Variants in DGCR2 observed in about 807,000 individuals in gnomAD.
DGCR2 encodes the protein integral membrane protein DGCR2/IDD.
A neutral mutation model predicts 51.6 loss-of-function variants in DGCR2; 24 were observed. The observed-to-expected ratio is 0.47, with a 90% CI of 0.34 to 0.65. The LOEUF (loss-of-function observed/expected upper bound fraction) is 0.65, where lower values mean the gene tolerates loss of function less well. DGCR2 is among the 30% of genes least tolerant of loss of function. The pLI, the probability that DGCR2 is intolerant of heterozygous loss-of-function variation, is 0.01. For synonymous variants in DGCR2, 340 were observed against 315.4 expected (o/e 1.08, Z -0.82); for missense variants, 765 against 772.1 (o/e 0.99, Z 0.11).
At chr22:19,076,784 G>A (rs1212256909) in intron 2 of DGCR2, among the ~76,000 whole-genome samples, 4 of 130,066 alleles carry the variant, frequency 3.1e-5, no homozygotes, top group Non-Finnish European at 6.2e-5. Flanking sequence ...AGTCTGGAGT[G>A]CAGTGGTGTG....
At position 19,057,263 on chromosome 22, in the gene DGCR2, A is replaced by G; in HGVS notation, c.626-101T>C. ...GGCGTCAGACAGGATCATCAACCACAGGGCCTGGACCGCCAAGTACTGGTG... is the reference window on the plus strand; with the variant it reads ...GGCGTCAGACAGGATCATCAACCACGGGGCCTGGACCGCCAAGTACTGGTG... On this transcript the variant is annotated intron_variant, in intron 5 of 9. Coordinates refer to ENST00000263196, the MANE Select transcript of DGCR2 (RefSeq NM_005137.3). The surrounding 1 kb of genome is among the most constrained non-coding windows in gnomAD (Gnocchi z 5.1). 7.6e-7 allele frequency: 1 copy of G among 1,308,828 alleles called. No individual in the cohort carries two copies. The highest frequency in any genetic ancestry group is 1.0e-6 in the Non-Finnish European group (1 of 968,292). 81.1% of individuals were successfully genotyped at this position (1,308,828 alleles called of 1,614,324 possible). A position where few individuals can be genotyped will look rare whatever the true frequency, so the allele number is the denominator to read the frequency against.
intron 7 of DGCR2, among the ~76,000 whole-genome samples, chr22:19,044,344 C>T (rs978743709): frequency 5.9e-5 from 9 of 152,330 alleles, no homozygotes; most frequent in African/African-American, 1.9e-4. Context: ...CTGCAGCTCC[C>T]AGAGAGAGGA....
Position 19,038,999 on chromosome 22 carries a change from G to C in DGCR2, c.1519C>G (p.Leu507Val), listed in dbSNP as rs2082402017. Residue 507 changes from leucine to valine, a missense_variant, in exon 10 of 10, where the codon CTG becomes GTG. Around this residue, in one of 3 missense-constraint regions of DGCR2, gnomAD observed 205 missense variants for 181.4 expected, o/e 1.13. Coordinates refer to ENST00000263196, the MANE Select transcript of DGCR2 (RefSeq NM_005137.3). Reference protein sequence around the residue: ...LPTAGASLADLEDSADSSSAL... With the variant: ...LPTAGASLADVEDSADSSSAL... Reference sequence around the variant, plus strand: ...CTGCTGCTGTCGGCAGAGTCTTCCAGGTCTGCCAGAGAGGCCCCCGCAGTG... The same window carrying C: ...CTGCTGCTGTCGGCAGAGTCTTCCACGTCTGCCAGAGAGGCCCCCGCAGTG... 6 of 1,612,332 alleles carry C rather than the reference G, an allele frequency of 3.7e-6. No homozygotes were observed. The highest frequency in any genetic ancestry group is 4.2e-6 in the Non-Finnish European group (5 of 1,179,572).
intron 5 of DGCR2, chr22:19,061,202 G>A (rs2145960200): frequency 1.1e-5 from 2 of 174,294 alleles, no homozygotes; most frequent in South Asian, 2.1e-4. Context: ...ATGTCCCCAG[G>A]CAGGAGAAAG....
At chr22:19,060,356 A>C (rs765973069) in intron 5 of DGCR2, among the ~76,000 whole-genome samples, 56 of 152,186 alleles carry the variant, frequency 3.7e-4, no homozygotes, top group Admixed American at 2.6e-4. Flanking sequence ...GACTGGGCAC[A>C]AGATTTTGGG....
intron 1 of DGCR2, among the ~76,000 whole-genome samples, chr22:19,101,097 C>T (rs1052208293): frequency 3.3e-5 from 5 of 151,928 alleles, no homozygotes; most frequent in South Asian, 2.1e-4. Flanking sequence ...GGCATCACAG[C>T]GAAACCCTGT....
At chr22:19,048,767 T>C in intron 6 of DGCR2, 124 bp from the exon 7 acceptor site, 1 of 896,588 alleles carries the variant, frequency 1.1e-6, no homozygotes, top group Non-Finnish European at 1.7e-6. Context: ...CCTGTTACCT[T>C]AGAATGGGAA....
intron 6 of DGCR2, chr22:19,056,566 A>ACC (rs1555902463): frequency 3.0e-6 from 1 of 333,210 alleles, no homozygotes. Flanking sequence ...AAAAAAAAAA[A>ACC]ACACACACAC....
intron 6 of DGCR2, among the ~76,000 whole-genome samples, chr22:19,052,172 T>G (rs2082555035): frequency 1.3e-5 from 2 of 152,068 alleles, no homozygotes; most frequent in South Asian, 4.1e-4. Flanking sequence ...ATCCCAGCAC[T>G]TTGGGAGGCC....
intron 1 of DGCR2, among the ~76,000 whole-genome samples, chr22:19,109,067 G>GA (rs939336411): frequency 1.3e-4 from 19 of 151,946 alleles, no homozygotes; most frequent in African/African-American, 4.6e-4. Flanking sequence ...AATCATCAGG[G>GA]AAATGTAAGC....
intron 2 of DGCR2, among the ~76,000 whole-genome samples, chr22:19,071,383 A>G (rs766887815): frequency 6.6e-6 from 1 of 152,272 alleles, no homozygotes; most frequent in Non-Finnish European, 1.5e-5. Context: ...GGAAAGAAAT[A>G]TTCACAATAG....
At chr22:19,072,886 TA>T (rs202215480) in intron 2 of DGCR2, among the ~76,000 whole-genome samples, 28 of 142,934 alleles carry the variant, frequency 2.0e-4, no homozygotes, top group East Asian at 1.5e-3. Context: ...AATAAATAAA[TA>T]AAATTTTTTT....
At chr22:19,074,799 C>A (rs923482956) in intron 2 of DGCR2, among the ~76,000 whole-genome samples, 2 of 151,962 alleles carry the variant, frequency 1.3e-5, no homozygotes, top group African/African-American at 4.8e-5. Flanking sequence ...TCTGGGATGC[C>A]CCGCCCCACC....
In DGCR2 at chr22:19,122,368, C is replaced by T; in HGVS notation, c.-162G>A. The T allele has an allele frequency of 2.0e-6, 1 of 510,168 alleles. No homozygotes were observed. The highest frequency in any genetic ancestry group is 3.3e-6 in the Non-Finnish European group (1 of 301,802). The allele number at this position is 510,168 out of a possible 1,614,324, so 31.6% of individuals were successfully genotyped here. A position where few individuals can be genotyped will look rare whatever the true frequency, so the allele number is the denominator to read the frequency against. ...CGGCTGGGCCGCGGGCTGGCGCACA[C>T]TCTCGGCTGCAACCTCAGGCACCGA... On this transcript the variant is annotated 5_prime_UTR_variant, in exon 1 of 10. The change creates a new upstream start codon in the 5' untranslated region. Transcript: ENST00000263196.
chr22:19,073,848 G>C (rs868131182), intron 2 of DGCR2, among the ~76,000 whole-genome samples: 4 of 152,238 alleles, frequency 2.6e-5, no homozygotes, highest in African/African-American at 2.4e-5. Context: ...AACAAAACAG[G>C]AAAGATATAA....
chr22:19,093,659 T>C (rs1381376496), intron 1 of DGCR2, among the ~76,000 whole-genome samples: 1 of 152,082 alleles, frequency 6.6e-6, no homozygotes, highest in African/African-American at 2.4e-5. Context: ...AACCAGAATA[T>C]ATAAAGCATG....
intron 1 of DGCR2, among the ~76,000 whole-genome samples, chr22:19,093,507 C>T (rs1467889272): frequency 6.6e-6 from 1 of 152,074 alleles, no homozygotes; most frequent in Non-Finnish European, 1.5e-5. Flanking sequence ...AAAACACAAT[C>T]TATAAAAAAA....
chr22:19,072,651 G>A (rs1330817198), intron 2 of DGCR2, among the ~76,000 whole-genome samples: 1 of 152,118 alleles, frequency 6.6e-6, no homozygotes, highest in Non-Finnish European at 1.5e-5. Flanking sequence ...GAGGTGGGCA[G>A]ATCACAAGGT....
intron 7 of DGCR2, among the ~76,000 whole-genome samples, chr22:19,043,202 T>G (rs1734477703): frequency 6.6e-6 from 1 of 152,218 alleles, no homozygotes; most frequent in African/African-American, 2.4e-5. Flanking sequence ...ATTTCACGCT[T>G]TTCGTGACCA....
Sources: allele counts gnomAD v4.1 joint callset (sites outside exome capture counted in the v4.1 genomes callset), GRCh38; gene constraint gnomAD v4.1.1; regional missense constraint gnomAD v4.1.1; non-coding constraint Gnocchi (gnomAD v3.1); transcripts MANE v1.5; gene names NCBI Gene and HGNC (gene_info 2026-07-23, HGNC 2026-07-21).